The following SYN3 variants were observed in gnomAD, a reference collection of about 807,000 sequenced individuals.
SYN3 encodes synapsin III, also known as synapsin-3.
A neutral mutation model predicts 65.8 loss-of-function variants in SYN3; 35 were observed. The observed-to-expected ratio is 0.53, with a 90% CI of 0.41 to 0.70. The LOEUF (loss-of-function observed/expected upper bound fraction) is 0.70. Among genes scored for constraint, SYN3 ranks in the 30% least tolerant of loss-of-function variants. The probability of loss-of-function intolerance (pLI) is 0.00; values close to 1 mark genes in which losing one functional copy is unlikely to be tolerated. For synonymous variants in SYN3, 270 were observed against 292.9 expected (o/e 0.92, Z 0.80); for missense variants, 680 against 749.0 (o/e 0.91, Z 1.08).
Position 32,576,081 on chromosome 22 carries a change from G to A in SYN3, c.774+20593C>T, listed in dbSNP as rs377495279. Among the ~76,000 whole-genome samples the A allele has an allele frequency of 3.3e-5, 5 of 152,126 alleles. No homozygotes were observed. In the East Asian group the frequency reaches 9.6e-4, roughly 29 times the overall value. ...AGAGTATTTGAGATGCCCTCATTAG[G>A]AAGCCGGAAATAAAATGAAGCAATG... On this transcript the variant is annotated intron_variant, in intron 7 of 13. Transcript: ENST00000358763.
chr22:32,986,082 TG>T (rs1601844228), intron 2 of SYN3, among the ~76,000 whole-genome samples: 3 of 152,216 alleles, frequency 2.0e-5, no homozygotes, highest in Middle Eastern at 3.4e-3. Flanking sequence ...TGAGTCTCCA[TG>T]CTCACTGTGT....
intron 6 of SYN3, among the ~76,000 whole-genome samples, chr22:32,615,732 A>G (rs1177917632): frequency 6.6e-6 from 1 of 152,224 alleles, no homozygotes; most frequent in Non-Finnish European, 1.5e-5. Context: ...CAGTGCTCAG[A>G]GAGAATAACA....
intron 12 of SYN3, among the ~76,000 whole-genome samples, chr22:32,521,842 CCT>C (rs1003481316): frequency 6.0e-4 from 91 of 152,292 alleles, no homozygotes; most frequent in African/African-American, 2.2e-3. Flanking sequence ...TTCAGTTTCC[CCT>C]GATTCGCCTC....
intron 3 of SYN3, among the ~76,000 whole-genome samples, chr22:32,963,043 ATAT>A (rs966548884): frequency 2.7e-5 from 4 of 150,406 alleles, no homozygotes; most frequent in African/African-American, 9.7e-5. Flanking sequence ...ATGGCTTAAG[ATAT>A]TATTATTGTC....
At position 32,781,667 on chromosome 22, in the gene SYN3, ATAT is replaced by A. The variant is rs747351725; in HGVS notation, c.711+83245_711+83247del. Among the ~76,000 whole-genome samples, 3 of 150,580 alleles carry A rather than the reference ATAT, an allele frequency of 2.0e-5. No individual in the cohort carries two copies. The East Asian group carries it at 5.8e-4, about 29-fold the overall frequency. On this transcript the variant is annotated intron_variant, in intron 6 of 13. Coordinates refer to ENST00000358763, the MANE Select transcript of SYN3 (RefSeq NM_003490.4). ...GGAGGTGTTACTTAGGTGTTTGCTA[ATAT>A]TATTATTATTATTAATATTATTATT... is the stretch of plus-strand genomic sequence containing the variant.
At chr22:32,696,863 C>T (rs151166179) in intron 6 of SYN3, among the ~76,000 whole-genome samples, 2 of 152,278 alleles carry the variant, frequency 1.3e-5, no homozygotes, top group South Asian at 2.1e-4. Context: ...GCTTGTGTCT[C>T]CTGTCTCCAG....
chr22:33,015,144 C>G, intron 1 of SYN3: 1 of 188,610 alleles, frequency 5.3e-6, no homozygotes, highest in South Asian at 9.8e-5. Flanking sequence ...TGGAGTGAAC[C>G]CGGGGGGCGG....
chr22:32,676,710 GTT>G (rs130749), intron 6 of SYN3, among the ~76,000 whole-genome samples: 41,735 of 133,640 alleles, frequency 0.31, 7,007 homozygotes, highest in Middle Eastern at 0.41. Context: ...TTAATTTTTT[GTT>G]TTTTTTTTTT....
chr22:32,859,023 T>G, intron 6 of SYN3: 1 of 716,702 alleles, frequency 1.4e-6, no homozygotes, highest in South Asian at 1.5e-5. Context: ...AGACAGCAGA[T>G]GCTCAAGCTA....
rs1404147524 is a variant in SYN3, at chr22:32,637,886, G to A, written c.712-41150C>T. Among the ~76,000 whole-genome samples, 3 of 152,126 alleles carry A rather than the reference G, an allele frequency of 2.0e-5. No individual in the cohort carries two copies. In the East Asian group the frequency reaches 5.8e-4, roughly 29 times the overall value. On this transcript the variant is annotated intron_variant, in intron 6 of 13. Transcript: ENST00000358763. The stretch of plus-strand genomic sequence containing the variant: ...ACTCCCAACCTCAAATGATCCACCC[G>A]CCTTGGCCTCCCAAAGTGCTAGGAT...
At chr22:32,814,248 GGAAA>G (rs1169002682) in intron 6 of SYN3, among the ~76,000 whole-genome samples, 25 of 123,470 alleles carry the variant, frequency 2.0e-4, no homozygotes, top group Non-Finnish European at 3.3e-4. Flanking sequence ...AAAGAAAGAA[GGAAA>G]GAAAGAAAGA....
intron 12 of SYN3, among the ~76,000 whole-genome samples, chr22:32,526,808 C>T (rs1009476191): frequency 2.6e-5 from 4 of 152,198 alleles, no homozygotes; most frequent in East Asian, 1.9e-4. Flanking sequence ...CCTGAGCTAC[C>T]GCGCCCGGCC....
intron 7 of SYN3, among the ~76,000 whole-genome samples, chr22:32,593,608 G>C (rs2059157041): frequency 6.6e-6 from 1 of 152,192 alleles, no homozygotes; most frequent in Non-Finnish European, 1.5e-5. Flanking sequence ...GGAAGCAGAG[G>C]AGGAGGAGAA....
At chr22:32,952,267 G>T (rs184023292) in intron 3 of SYN3, among the ~76,000 whole-genome samples, 1 of 151,296 alleles carries the variant, frequency 6.6e-6, no homozygotes, top group East Asian at 2.0e-4. Flanking sequence ...GTGTGTGTGC[G>T]CACACGCATG....
chr22:32,604,599 A>ATACCCTCCCTCACACTC (rs1379696579), intron 6 of SYN3, among the ~76,000 whole-genome samples: 1 of 151,884 alleles, frequency 6.6e-6, no homozygotes, highest in Non-Finnish European at 1.5e-5. Context: ...CTCCGCTGAA[A>ATACCCTCCCTCACACTC]TTCTGTCCCT....
At chr22:32,963,118 C>T (rs2051712073) in intron 3 of SYN3, among the ~76,000 whole-genome samples, 2 of 151,190 alleles carry the variant, frequency 1.3e-5, no homozygotes, top group African/African-American at 4.8e-5. Flanking sequence ...ACTCCATCAC[C>T]CAGGCTGGAC....
chr22:32,599,006 C>T (rs550042771), intron 6 of SYN3, among the ~76,000 whole-genome samples: 42 of 151,982 alleles, frequency 2.8e-4, no homozygotes, highest in Non-Finnish European at 5.1e-4. Flanking sequence ...AGTATAAAGA[C>T]GTCAATAAAA....
At chr22:32,569,441 A>G (rs996393455) in intron 7 of SYN3, among the ~76,000 whole-genome samples, 6 of 145,550 alleles carry the variant, frequency 4.1e-5, no homozygotes, top group Admixed American at 6.8e-5. Flanking sequence ...CTATCTATCT[A>G]TCTATCTTCT....
chr22:32,890,312 C>G (rs1313515834), intron 4 of SYN3, among the ~76,000 whole-genome samples: 2 of 151,988 alleles, frequency 1.3e-5, no homozygotes, highest in Admixed American at 6.6e-5. Context: ...TGGGCTCAAG[C>G]AGTCCTCCCA....
Sources: allele counts gnomAD v4.1 joint callset (sites outside exome capture counted in the v4.1 genomes callset), GRCh38; gene constraint gnomAD v4.1.1; transcripts MANE v1.5; gene names NCBI Gene and HGNC (gene_info 2026-07-23, HGNC 2026-07-21).